Variants in MYLK observed in about 807,000 individuals in gnomAD.
MYLK encodes the protein myosin light chain kinase, smooth muscle.
A neutral mutation model predicts 203.4 loss-of-function variants in MYLK; 106 were observed. That is an observed-to-expected ratio of 0.52 (90% confidence interval 0.45 to 0.61). MYLK has a LOEUF of 0.61. MYLK is among the 20% of genes least tolerant of loss of function. The probability of loss-of-function intolerance (pLI) is 0.00; values close to 1 mark genes in which losing one functional copy is unlikely to be tolerated. For synonymous variants in MYLK, 867 were observed against 959.5 expected, an observed-to-expected ratio of 0.90 and a Z score of 1.78; for missense variants, 2,072 against 2,442.3, an observed-to-expected ratio of 0.85 and a Z score of 3.20.
At chr3:123,758,583 T>C (rs76061622) in intron 4 of MYLK, among the ~76,000 whole-genome samples, 1 of 152,114 alleles carries the variant, frequency 6.6e-6, no homozygotes, top group African/African-American at 2.4e-5. Flanking sequence ...TAGGAATCCC[T>C]GCACCTCGAC....
intron 8 of MYLK, 50 bp from the exon 9 acceptor site, chr3:123,735,466 A>C (rs1175101666): frequency 5.0e-6 from 8 of 1,611,572 alleles, no homozygotes; most frequent in Non-Finnish European, 6.8e-6. Flanking sequence ...TGCTGTATAC[A>C]CCAAAATTTC....
chr3:123,679,179 C>T (rs1268098631), intron 20 of MYLK, among the ~76,000 whole-genome samples: 2 of 151,880 alleles, frequency 1.3e-5, no homozygotes, highest in African/African-American at 4.8e-5. Flanking sequence ...TGGTGGTGCG[C>T]AGCTGTAGTC....
intron 18 of MYLK, chr3:123,699,097 A>T (rs2061059237): frequency 6.6e-6 from 1 of 152,146 alleles, no homozygotes; most frequent in African/African-American, 2.4e-5. Context: ...CAGCTCAGGC[A>T]GGACTCTGTT....
intron 2 of MYLK, among the ~76,000 whole-genome samples, chr3:123,876,074 A>G (rs1215497796): frequency 6.6e-6 from 1 of 152,204 alleles, no homozygotes; most frequent in East Asian, 1.9e-4. Flanking sequence ...AATTGTGGGC[A>G]CATACAAAAC....
At chr3:123,861,441 C>T (rs1002987872) in intron 2 of MYLK, among the ~76,000 whole-genome samples, 11 of 152,266 alleles carry the variant, frequency 7.2e-5, no homozygotes, top group African/African-American at 2.7e-4. Flanking sequence ...CCTTAGTTAA[C>T]AGCTCTAAAG....
chr3:123,616,000 T>C (rs2057471263), intron 33 of MYLK, among the ~76,000 whole-genome samples: 1 of 152,092 alleles, frequency 6.6e-6, no homozygotes, highest in South Asian at 2.1e-4. Flanking sequence ...AAATGAAAAA[T>C]AAGAGTCAAA....
At chr3:123,683,357 A>G (rs1004863329) in intron 19 of MYLK, among the ~76,000 whole-genome samples, 1 of 151,980 alleles carries the variant, frequency 6.6e-6, no homozygotes, top group Non-Finnish European at 1.5e-5. Flanking sequence ...GCTGGGGAGG[A>G]AGTGCCCTCT....
At chr3:123,724,429 G>A (rs1325615402) in intron 12 of MYLK, among the ~76,000 whole-genome samples, 4 of 152,038 alleles carry the variant, frequency 2.6e-5, no homozygotes, top group African/African-American at 7.2e-5. Flanking sequence ...AGTCCTTAAC[G>A]CCCATATTGC....
intron 4 of MYLK, among the ~76,000 whole-genome samples, chr3:123,781,043 G>A (rs886684821): frequency 6.6e-6 from 1 of 152,158 alleles, no homozygotes; most frequent in African/African-American, 2.4e-5. Flanking sequence ...AGGGGTCCGG[G>A]CTCCAGTTAG....
At chr3:123,770,033 G>T (rs534603803) in intron 4 of MYLK, among the ~76,000 whole-genome samples, 4 of 151,988 alleles carry the variant, frequency 2.6e-5, no homozygotes, top group Non-Finnish European at 4.4e-5. Context: ...AAGTCAGGCC[G>T]GGTGCAGTGG....
chr3:123,769,921 T>G (rs1290198987), intron 4 of MYLK, among the ~76,000 whole-genome samples: 1 of 152,210 alleles, frequency 6.6e-6, no homozygotes, highest in African/African-American at 2.4e-5. Flanking sequence ...TATTATGAAT[T>G]TATTACTTGA....
intron 27 of MYLK, among the ~76,000 whole-genome samples, chr3:123,641,618 C>T (rs1290662745): frequency 3.3e-5 from 5 of 151,838 alleles, no homozygotes; most frequent in Non-Finnish European, 7.4e-5. Context: ...GCGATTATCC[C>T]ACCTCAGCCT....
chr3:123,832,123 C>T (rs564383295), intron 2 of MYLK, among the ~76,000 whole-genome samples: 129 of 152,250 alleles, frequency 8.5e-4, no homozygotes, highest in Non-Finnish European at 1.7e-3. Flanking sequence ...GCTGACAGGG[C>T]AGGAAAAGAA....
intron 1 of MYLK, among the ~76,000 whole-genome samples, chr3:123,880,211 A>G (rs1398724453): frequency 6.6e-6 from 1 of 152,216 alleles, no homozygotes; most frequent in Non-Finnish European, 1.5e-5. Flanking sequence ...CCCAGCCAGT[A>G]AGTGAATGGG....
intron 3 of MYLK, among the ~76,000 whole-genome samples, chr3:123,796,344 A>G (rs1299087953): frequency 6.6e-6 from 1 of 152,166 alleles, no homozygotes; most frequent in Non-Finnish European, 1.5e-5. Flanking sequence ...CAGGCATTTG[A>G]ACCCAAGCAC....
At chr3:123,681,960 A>G (rs931309334) in intron 20 of MYLK, 10 of 519,708 alleles carry the variant, frequency 1.9e-5, no homozygotes, top group African/African-American at 1.9e-4. Flanking sequence ...TGGGCAGGGG[A>G]GGTAGATAGG....
intron 20 of MYLK, among the ~76,000 whole-genome samples, chr3:123,680,872 A>C (rs1300508566): frequency 6.6e-6 from 1 of 152,174 alleles, no homozygotes; most frequent in Non-Finnish European, 1.5e-5. Context: ...GGGGATGTTC[A>C]AGCAACTCTG....
chr3:123,769,811 T>C (rs184255301), intron 4 of MYLK, among the ~76,000 whole-genome samples: 27 of 152,334 alleles, frequency 1.8e-4, no homozygotes, highest in African/African-American at 6.0e-4. Context: ...AGGTGATCAA[T>C]AAGTATTTTT....
At chr3:123,628,216 G>T (rs771810740) in intron 30 of MYLK, among the ~76,000 whole-genome samples, 33 of 152,178 alleles carry the variant, frequency 2.2e-4, no homozygotes, top group Non-Finnish European at 4.0e-4. Flanking sequence ...CCCTGAACTG[G>T]CTAAAAAGGA....
Sources: allele counts gnomAD v4.1 joint callset (sites outside exome capture counted in the v4.1 genomes callset), GRCh38; gene constraint gnomAD v4.1.1; transcripts MANE v1.5; gene names NCBI Gene and HGNC (gene_info 2026-07-23, HGNC 2026-07-21).